The following PRH1 variants were observed in gnomAD, a reference collection of about 807,000 sequenced individuals.
PRH1 encodes salivary acidic proline-rich phosphoprotein 1/2.
PRH1 carries 7 observed loss-of-function variants against 7.9 expected under a neutral mutation model. The ratio of observed to expected loss-of-function variants is 0.89; its 90% confidence interval spans 0.50 to 1.67. The LOEUF is 1.67. PRH1 is among the 40% of genes most tolerant of loss of function. The pLI, the probability that PRH1 is intolerant of heterozygous loss-of-function variation, is 0.00. For missense variants in PRH1, 109 were observed against 223.6 expected (o/e 0.49, Z 3.27); for synonymous variants, 45 against 80.8 (o/e 0.56, Z 2.38).
At chr12:10,919,766 T>C (rs1055760013) in intron 2 of PRH1, among the ~76,000 whole-genome samples, 1 of 152,096 alleles carries the variant, frequency 6.6e-6, no homozygotes, top group Admixed American at 6.5e-5. Flanking sequence ...CAGACCTGTC[T>C]TTAGTTTGAT....
intron 2 of PRH1, among the ~76,000 whole-genome samples, chr12:10,953,525 G>T (rs986025762): frequency 6.6e-6 from 1 of 152,150 alleles, no homozygotes; most frequent in Non-Finnish European, 1.5e-5. Flanking sequence ...GAGCTCAAGA[G>T]TAGTCCTCTG....
At chr12:11,011,458 T>C (rs374029759) in intron 1 of PRH1, among the ~76,000 whole-genome samples, 12 of 152,262 alleles carry the variant, frequency 7.9e-5, no homozygotes, top group African/African-American at 2.9e-4. Flanking sequence ...GTTGTTGAAG[T>C]GAAAGGTGAA....
chr12:10,959,355 C>A (rs1041026594), intron 2 of PRH1, among the ~76,000 whole-genome samples: 1 of 151,864 alleles, frequency 6.6e-6, no homozygotes, highest in Non-Finnish European at 1.5e-5. Flanking sequence ...CGGAGACCAG[C>A]GTTGAGATCT....
intron 1 of PRH1, chr12:11,134,436 C>T (rs1946487898): frequency 1.5e-6 from 1 of 656,248 alleles, no homozygotes. Flanking sequence ...AAGTTCAATG[C>T]TCTCTTTATG....
chr12:11,122,914 T>A (rs1200887561), intron 1 of PRH1, among the ~76,000 whole-genome samples: 1 of 152,248 alleles, frequency 6.6e-6, no homozygotes, highest in Admixed American at 6.5e-5. Context: ...AGGCTAGGTT[T>A]ACCTCAATGC....
chr12:10,926,010 C>A (rs371257198), intron 2 of PRH1, among the ~76,000 whole-genome samples: 1 of 151,990 alleles, frequency 6.6e-6, no homozygotes, highest in Non-Finnish European at 1.5e-5. Context: ...CTATTATAAC[C>A]AATTTGGCTA....
At chr12:11,142,885 T>C (rs560523707) in intron 1 of PRH1, among the ~76,000 whole-genome samples, 12 of 152,242 alleles carry the variant, frequency 7.9e-5, no homozygotes, top group Admixed American at 5.9e-4. Context: ...GAAAGACTTT[T>C]CCAAACCAAC....
chr12:11,158,661 A>C (rs566219548), intron 1 of PRH1: 1 of 152,328 alleles, frequency 6.6e-6, no homozygotes, highest in African/African-American at 2.4e-5. Context: ...AAAATTTCAG[A>C]ATTATTTAAC....
intron 1 of PRH1, among the ~76,000 whole-genome samples, chr12:11,022,833 T>C (rs1259162375): frequency 6.6e-6 from 1 of 150,422 alleles, no homozygotes; most frequent in Admixed American, 6.7e-5. Flanking sequence ...CCTTGCTATA[T>C]GCTGTACTTT....
At position 10,938,764 on chromosome 12, in the gene PRH1, T is replaced by G. The variant is rs1372750294; in HGVS notation, c.-59+34891A>C. The stretch of plus-strand genomic sequence containing the variant: ...TGATACTGGCATTTATATGGATGTT[T>G]ATCAGTGCAATATTTAAAAACAAGA... On this transcript the variant is annotated intron_variant, in intron 2 of 3. Coordinates refer to the PRH1 transcript ENST00000539853. The G allele has an allele frequency of 2.5e-6, 4 of 1,613,830 alleles. No individual in the cohort carries two copies. In the South Asian group the frequency reaches 4.4e-5, roughly 18 times the overall value.
intron 1 of PRH1, among the ~76,000 whole-genome samples, chr12:11,039,193 C>G (rs1452791977): frequency 6.6e-6 from 1 of 152,180 alleles, no homozygotes; most frequent in African/African-American, 2.4e-5. Context: ...CTTATCATGT[C>G]TGAATTTTTT....
intron 1 of PRH1, among the ~76,000 whole-genome samples, chr12:11,081,060 A>C (rs973144170): frequency 8.6e-6 from 1 of 115,760 alleles, no homozygotes; most frequent in Non-Finnish European, 2.1e-5. Flanking sequence ...CACTTTTGGA[A>C]AACTCCTTGC....
chr12:10,968,839 A>C (rs1056227136), intron 2 of PRH1, among the ~76,000 whole-genome samples: 5 of 152,204 alleles, frequency 3.3e-5, no homozygotes, highest in African/African-American at 1.2e-4. Context: ...CGCACCCCTG[A>C]AACCTCGAGG....
In PRH1 at chr12:11,171,377, G is replaced by C. The variant is rs1331601872; in HGVS notation, n.39+45C>G. The C allele has an allele frequency of 2.4e-6, 3 of 1,231,922 alleles. No individual in the cohort carries two copies. In the East Asian group the frequency reaches 9.5e-5, roughly 39 times the overall value. 76.3% of individuals were successfully genotyped at this position (1,231,922 alleles called of 1,614,324 possible). On this transcript the variant is annotated intron_variant and non_coding_transcript_variant, in intron 1 of 1. Transcript: ENST00000541175. ...GGCTCATGGCCCCCGCGGCGGCTCCGTCCTCCTTGGCCGTCAGGGCCTCAA... is the reference window on the plus strand; with the variant it reads ...GGCTCATGGCCCCCGCGGCGGCTCCCTCCTCCTTGGCCGTCAGGGCCTCAA...
chr12:11,168,260 GAA>G (rs1555178268), intron 1 of PRH1, among the ~76,000 whole-genome samples: 11 of 32,620 alleles, frequency 3.4e-4, no homozygotes, highest in Non-Finnish European at 6.0e-4. Flanking sequence ...AAGAAAGAAA[GAA>G]AGAAAGAAAG....
chr12:10,939,613 A>ACCAAATATACCAAATTG (rs1330587417), intron 2 of PRH1, among the ~76,000 whole-genome samples: 22 of 149,166 alleles, frequency 1.5e-4, no homozygotes, highest in African/African-American at 5.2e-4. Context: ...GTTCTGGGGA[A>ACCAAATATACCAAATTG]GTATCATTAC....
intron 1 of PRH1, chr12:11,021,854 T>A: frequency 6.2e-7 from 1 of 1,614,268 alleles, no homozygotes; most frequent in South Asian, 1.1e-5. Context: ...AGAAAGTAAA[T>A]GGCAAATAAC....
chr12:11,013,007 G>A (rs992724279), intron 1 of PRH1, among the ~76,000 whole-genome samples: 27 of 152,126 alleles, frequency 1.8e-4, no homozygotes, highest in African/African-American at 6.5e-4. Flanking sequence ...CTGAAATCCA[G>A]CACAAGGAGA....
At chr12:10,987,454 C>G (rs1319896257) in intron 1 of PRH1, among the ~76,000 whole-genome samples, 1 of 151,598 alleles carries the variant, frequency 6.6e-6, no homozygotes, top group Non-Finnish European at 1.5e-5. Flanking sequence ...ATAAGAAGAC[C>G]AAAACACCTT....
Sources: allele counts gnomAD v4.1 joint callset (sites outside exome capture counted in the v4.1 genomes callset), GRCh38; gene constraint gnomAD v4.1.1; transcripts MANE v1.5; gene names NCBI Gene and HGNC (gene_info 2026-07-23, HGNC 2026-07-21).